The following BCAR3 variants were observed in gnomAD, a reference collection of about 807,000 sequenced individuals.
BCAR3 encodes BCAR3 adaptor protein, NSP family member.
Under a neutral mutation model 80.1 loss-of-function variants are expected in BCAR3, and 37 were observed. The ratio of observed to expected loss-of-function variants is 0.46; its 90% CI spans 0.36 to 0.61. The LOEUF (loss-of-function observed/expected upper bound fraction) is 0.61. BCAR3 is among the 20% of genes least tolerant of loss of function. The pLI, the probability that BCAR3 is intolerant of heterozygous loss-of-function variation, is 0.00. For missense variants in BCAR3, 978 were observed against 1,068.2 expected, an observed-to-expected ratio of 0.92 and a Z score of 1.18; for synonymous variants, 389 against 418.9, an observed-to-expected ratio of 0.93 and a Z score of 0.87.
rs1649663544 is a variant in BCAR3, at chr1:93,702,054, A to G, written c.-12+4038T>C. 1.3e-5 allele frequency among the ~76,000 whole-genome samples: 2 copies of G among 151,726 alleles called. 1 individual carries two copies. Among genetic ancestry groups the G allele is most frequent in the South Asian group, 4.2e-4 (2 of 4,788 alleles). ...TCCTGGTGCTTTCTCCACAAAAGAA[A>G]CCTCACCTTCCTAAAGCTATCGATC... On this transcript the variant is annotated intron_variant, in intron 3 of 13. Transcript: ENST00000370244.
At chr1:93,656,804 A>T (rs372888344) in intron 2 of BCAR3, among the ~76,000 whole-genome samples, 125 of 152,174 alleles carry the variant, frequency 8.2e-4, no homozygotes, top group African/African-American at 2.9e-3. Context: ...GGGTCTCGCT[A>T]TGTTGAGCCT....
At chr1:93,815,461 G>T (rs781101141) in intron 2 of BCAR3, among the ~76,000 whole-genome samples, 3 of 152,190 alleles carry the variant, frequency 2.0e-5, no homozygotes, top group Non-Finnish European at 4.4e-5. Flanking sequence ...TCTCTGTGGG[G>T]TCTCCATATT....
intron 2 of BCAR3, among the ~76,000 whole-genome samples, chr1:93,645,741 T>C (rs1274919594): frequency 6.7e-6 from 1 of 150,138 alleles, no homozygotes; most frequent in African/African-American, 2.4e-5. Flanking sequence ...ACATTATATA[T>C]ACATGATATA....
At chr1:93,741,401 G>A (rs1429918364) in intron 2 of BCAR3, among the ~76,000 whole-genome samples, 2 of 152,182 alleles carry the variant, frequency 1.3e-5, no homozygotes, top group African/African-American at 4.8e-5. Context: ...TGACCATGGG[G>A]AAATTACTCT....
At chr1:93,741,941 A>G (rs1331097229) in intron 2 of BCAR3, among the ~76,000 whole-genome samples, 1 of 152,228 alleles carries the variant, frequency 6.6e-6, no homozygotes, top group Non-Finnish European at 1.5e-5. Flanking sequence ...AACTAGCTCC[A>G]AAGAGGTTAA....
chr1:93,579,685 A>T (rs1249382902), intron 7 of BCAR3, among the ~76,000 whole-genome samples: 1 of 151,898 alleles, frequency 6.6e-6, no homozygotes, highest in Non-Finnish European at 1.5e-5. Flanking sequence ...GAGGATCATT[A>T]AGCCCTGCCC....
At chr1:93,617,421 T>C (rs1447976621) in intron 3 of BCAR3, among the ~76,000 whole-genome samples, 1 of 152,142 alleles carries the variant, frequency 6.6e-6, no homozygotes, top group African/African-American at 2.4e-5. Flanking sequence ...CATCAAGCCT[T>C]ACACTGAGGC....
chr1:93,596,532 C>T (rs890810639), intron 3 of BCAR3, among the ~76,000 whole-genome samples: 1 of 152,222 alleles, frequency 6.6e-6, no homozygotes. Context: ...CACGGCTGTG[C>T]TCTCTTAGAA....
chr1:93,567,262 CA>C lies in BCAR3; in HGVS notation c.2299+16del. ...CGATACAGTGTTAGAGAACAGCTTA[CA>C]AAACCCATCTCTTACCTGCCAGGAT... On this transcript the variant is annotated intron_variant, in intron 11 of 11. Coordinates refer to ENST00000260502, the MANE Select transcript of BCAR3 (RefSeq NM_003567.4). 1 of 1,612,780 alleles carries C rather than the reference CA, an allele frequency of 6.2e-7. No homozygotes were observed. Among genetic ancestry groups the C allele is most frequent in the Non-Finnish European group, 8.5e-7 (1 of 1,179,522 alleles).
intron 3 of BCAR3, among the ~76,000 whole-genome samples, chr1:93,641,575 A>G (rs976384732): frequency 6.6e-6 from 1 of 152,244 alleles, no homozygotes; most frequent in Non-Finnish European, 1.5e-5. Flanking sequence ...CAGAGGGAAG[A>G]AGTGAAAAGC....
Position 93,713,042 on chromosome 1 carries a change from G to A in BCAR3, c.-62-6900C>T, listed in dbSNP as rs534935292. Among the ~76,000 whole-genome samples, 4 of 152,308 alleles carry A rather than the reference G, an allele frequency of 2.6e-5. No individual in the cohort carries two copies. The South Asian group carries it at 8.3e-4, about 32-fold the overall frequency. On this transcript the variant is annotated intron_variant, in intron 2 of 13. Coordinates refer to the BCAR3 transcript ENST00000370244. ...GTTCAGTAGAACTTTCTGTAATGAT[G>A]AGAATGTTCTCTGCACTGTCCACTA...
rs1216333113 is a variant in BCAR3, at chr1:93,668,129, T to G, written c.317+6485A>C. On this transcript the variant is annotated intron_variant, in intron 2 of 11. Transcript: ENST00000260502. ...AACATGATTTAAAACAGGTCTGTCC[T>G]GGGGTGGGAGTGAGGAGGGGGCAGT... 2.0e-5 allele frequency among the ~76,000 whole-genome samples: 3 copies of G among 152,110 alleles called. No homozygotes were observed. In the East Asian group the frequency reaches 5.8e-4, roughly 29 times the overall value.
intron 3 of BCAR3, among the ~76,000 whole-genome samples, chr1:93,620,122 C>G (rs72963389): frequency 6.6e-6 from 1 of 152,128 alleles, no homozygotes; most frequent in Admixed American, 6.5e-5. Context: ...CCCACCCACA[C>G]GCTGGGCTAC....
chr1:93,661,486 G>A (rs1265394944), intron 2 of BCAR3, among the ~76,000 whole-genome samples: 3 of 150,070 alleles, frequency 2.0e-5, no homozygotes, highest in Non-Finnish European at 4.4e-5. Flanking sequence ...CTGGCCCAGT[G>A]TAGCTTTTTT....
intron 2 of BCAR3, among the ~76,000 whole-genome samples, chr1:93,653,975 A>G (rs1190118553): frequency 6.6e-6 from 1 of 152,096 alleles, no homozygotes; most frequent in Non-Finnish European, 1.5e-5. Context: ...CGCCAGCTCC[A>G]CAATTTGCTC....
At chr1:93,730,143 C>T (rs963024770) in intron 2 of BCAR3, among the ~76,000 whole-genome samples, 5 of 152,114 alleles carry the variant, frequency 3.3e-5, no homozygotes, top group Non-Finnish European at 7.4e-5. Context: ...CCTCTTGACA[C>T]TAGTTTGTTT....
chr1:93,648,449 A>G (rs1004679217), intron 2 of BCAR3, among the ~76,000 whole-genome samples: 4 of 152,196 alleles, frequency 2.6e-5, no homozygotes, highest in African/African-American at 9.6e-5. Context: ...TGAAATAGAG[A>G]CCCAAAAGGA....
intron 2 of BCAR3, among the ~76,000 whole-genome samples, chr1:93,649,112 C>CT (rs1419560702): frequency 3.3e-5 from 5 of 152,204 alleles, no homozygotes; most frequent in Non-Finnish European, 7.3e-5. Flanking sequence ...GAGCCAACTG[C>CT]TGGAAGCAAA....
rs171031 is a variant in BCAR3, at chr1:93,629,090, T to C, written c.357+13214A>G. Among the ~76,000 whole-genome samples the C allele has an allele frequency of 8.3e-3, 1,261 of 152,300 alleles. 19 individuals are homozygous for C. The highest frequency in any genetic ancestry group is 0.028 in the African/African-American group (1,174 of 41,566). ...AGCAAGTTGCAAAGTTATATGTAGT[T>C]AGACAGTTTGGCAATAAATAAAATT... On this transcript the variant is annotated intron_variant, in intron 3 of 11. Coordinates refer to ENST00000260502, the MANE Select transcript of BCAR3 (RefSeq NM_003567.4).
Sources: gnomAD v4.1 joint callset for allele counts (sites outside exome capture counted in the v4.1 genomes callset) on GRCh38, gnomAD v4.1.1 for gene constraint, MANE v1.5 for transcripts, NCBI Gene and HGNC (gene_info 2026-07-23, HGNC 2026-07-21) for gene names.